Variants in DPP10 observed in about 807,000 individuals in gnomAD.
DPP10 encodes inactive dipeptidyl peptidase 10.
In DPP10, 33 loss-of-function variants were observed where a neutral mutation model predicts 120.9. The observed-to-expected ratio is 0.27, with a 90% CI of 0.21 to 0.37. DPP10 has a LOEUF of 0.37. DPP10 is among the 10% of genes least tolerant of loss of function. The pLI is 1.00. For synonymous variants in DPP10, 337 were observed against 326.1 expected (o/e 1.03, Z -0.36); for missense variants, 816 against 942.8 (o/e 0.87, Z 1.76).
chr2:115,783,093 T>C (rs1405684151), intron 17 of DPP10, among the ~76,000 whole-genome samples: 1 of 152,130 alleles, frequency 6.6e-6, no homozygotes, highest in Non-Finnish European at 1.5e-5. Flanking sequence ...TTTCATTTTT[T>C]AAGTTTTATT....
intron 1 of DPP10, among the ~76,000 whole-genome samples, chr2:114,589,020 A>G (rs1691230735): frequency 7.2e-6 from 1 of 138,358 alleles, no homozygotes; most frequent in African/African-American, 2.7e-5. Flanking sequence ...TGTCCGGTAG[A>G]AAGGCAAAGG....
intron 1 of DPP10, among the ~76,000 whole-genome samples, chr2:115,154,547 G>A (rs2051769483): frequency 6.6e-6 from 1 of 151,808 alleles, no homozygotes; most frequent in South Asian, 2.1e-4. Flanking sequence ...AAATATTCTG[G>A]GACAACAGAA....
At chr2:115,743,406 T>G (rs1575654693) in intron 9 of DPP10, among the ~76,000 whole-genome samples, 1 of 152,116 alleles carries the variant, frequency 6.6e-6, no homozygotes. Context: ...TAAAGAAAAC[T>G]GCCTTAAAGA....
intron 1 of DPP10, among the ~76,000 whole-genome samples, chr2:114,954,097 T>TTC (rs1698014225): frequency 6.6e-6 from 1 of 150,470 alleles, no homozygotes; most frequent in African/African-American, 2.4e-5. Context: ...TTTTTTTTTT[T>TTC]TGATACAGAG....
chr2:114,901,183 GT>G (rs1020940630), intron 1 of DPP10, among the ~76,000 whole-genome samples: 36 of 151,908 alleles, frequency 2.4e-4, no homozygotes, highest in Admixed American at 1.8e-3. Flanking sequence ...AACTCGTTTT[GT>G]TTTTTTGTTT....
intron 1 of DPP10, among the ~76,000 whole-genome samples, chr2:114,985,825 G>A (rs1290843104): frequency 6.6e-6 from 1 of 152,170 alleles, no homozygotes; most frequent in African/African-American, 2.4e-5. Flanking sequence ...AATGTCTACA[G>A]CTTTATCCTT....
chr2:115,072,330 T>TA (rs1172124902), intron 1 of DPP10, among the ~76,000 whole-genome samples: 1 of 152,162 alleles, frequency 6.6e-6, no homozygotes, highest in East Asian at 1.9e-4. Context: ...TCTTTTTTCT[T>TA]AAAAGAAACA....
intron 10 of DPP10, among the ~76,000 whole-genome samples, chr2:115,747,840 G>A (rs573411901): frequency 4.6e-5 from 7 of 152,132 alleles, no homozygotes; most frequent in East Asian, 1.9e-4. Context: ...TGATCCGCCC[G>A]CCTTGGCCTC....
At chr2:115,230,165 C>G (rs2057666968) in intron 1 of DPP10, among the ~76,000 whole-genome samples, 1 of 151,724 alleles carries the variant, frequency 6.6e-6, no homozygotes, top group South Asian at 2.1e-4. Flanking sequence ...TACTTCCTAG[C>G]TATTTTATTT....
chr2:114,637,286 A>C (rs1281046374), intron 1 of DPP10, among the ~76,000 whole-genome samples: 1 of 151,938 alleles, frequency 6.6e-6, no homozygotes, highest in Non-Finnish European at 1.5e-5. Flanking sequence ...ATTTTCATTC[A>C]GGATAAGCTG....
chr2:115,511,728 C>CTT (rs1249835764), intron 4 of DPP10, among the ~76,000 whole-genome samples: 80 of 71,160 alleles, frequency 1.1e-3, no homozygotes, highest in South Asian at 2.5e-3. Context: ...TCTTCTTCTT[C>CTT]TTCTTTTTTT....
At chr2:114,496,597 C>T (rs1682539561) in intron 1 of DPP10, among the ~76,000 whole-genome samples, 1 of 152,074 alleles carries the variant, frequency 6.6e-6, no homozygotes, top group Admixed American at 6.6e-5. Flanking sequence ...GCTCCATCCT[C>T]ATGATCTAAT....
At position 115,663,994 on chromosome 2, in the gene DPP10, C is replaced by CAATAAT. The variant is rs70941084; in HGVS notation, c.442-25673_442-25668dup. On this transcript the variant is annotated intron_variant, in intron 5 of 25. Transcript: ENST00000410059. ...TGTGTGACAGAGCGAGACTCCATCT[C>CAATAAT]AATAATAATAATAATAATAATAATA... Among the ~76,000 whole-genome samples, 459 of 148,936 alleles carry CAATAAT rather than the reference C, an allele frequency of 3.1e-3. 1 individual carries two copies. The highest frequency in any genetic ancestry group is 3.9e-3 in the Non-Finnish European group (261 of 67,386).
intron 1 of DPP10, among the ~76,000 whole-genome samples, chr2:115,195,482 G>A (rs2055192616): frequency 6.6e-6 from 1 of 152,082 alleles, no homozygotes; most frequent in Non-Finnish European, 1.5e-5. Context: ...AATCTGTCCA[G>A]CTATTCTCTT....
In DPP10 at chr2:115,819,051, G is replaced by A. The variant is rs114523081; in HGVS notation, c.1950+3322G>A. ...CGATTCTTTTTTCTTGAAATGCACT[G>A]ATTTCAGATTCAAATTAGGTTATGC... is the stretch of plus-strand genomic sequence containing the variant. On this transcript the variant is annotated intron_variant, in intron 21 of 25. Transcript: ENST00000410059. Among the ~76,000 whole-genome samples, 310 of 152,270 alleles carry A rather than the reference G, an allele frequency of 2.0e-3. 1 individual carries two copies. Among genetic ancestry groups the A allele is most frequent in the African/African-American group, 7.1e-3 (295 of 41,568 alleles).
chr2:114,462,370 C>T (rs979448855), intron 1 of DPP10, among the ~76,000 whole-genome samples: 1 of 152,178 alleles, frequency 6.6e-6, no homozygotes, highest in African/African-American at 2.4e-5. Flanking sequence ...GTTCCAGGAT[C>T]CCCTCTAACA....
At chr2:114,663,365 GT>G (rs1384259555) in intron 1 of DPP10, among the ~76,000 whole-genome samples, 1 of 150,366 alleles carries the variant, frequency 6.7e-6, no homozygotes, top group African/African-American at 2.4e-5. Flanking sequence ...ATGACTGGCA[GT>G]TATTGAATAA....
At chr2:115,549,509 C>T (rs1231738193) in intron 5 of DPP10, among the ~76,000 whole-genome samples, 3 of 152,132 alleles carry the variant, frequency 2.0e-5, no homozygotes, top group African/African-American at 7.2e-5. Context: ...GTTTCTGTCA[C>T]TGCACTCTTT....
intron 1 of DPP10, among the ~76,000 whole-genome samples, chr2:115,212,623 A>C (rs2056589563): frequency 6.6e-6 from 1 of 152,182 alleles, no homozygotes; most frequent in Non-Finnish European, 1.5e-5. Context: ...TTAATTTAAA[A>C]GAAAAAAAGT....
Sources: allele counts gnomAD v4.1 joint callset (sites outside exome capture counted in the v4.1 genomes callset), GRCh38; gene constraint gnomAD v4.1.1; transcripts MANE v1.5; gene names NCBI Gene and HGNC (gene_info 2026-07-23, HGNC 2026-07-21).